The following GTF2F2 variants were observed in gnomAD, a reference collection of about 807,000 sequenced individuals.
GTF2F2 encodes the protein ATP-dependent helicase GTF2F2.
Under a neutral mutation model 42.2 loss-of-function variants are expected in GTF2F2, and 23 were observed. The observed-to-expected ratio is 0.55, with a 90% CI of 0.39 to 0.77. The LOEUF (loss-of-function observed/expected upper bound fraction) is 0.77, where lower values mean the gene tolerates loss of function less well. GTF2F2 is among the 30% of genes least tolerant of loss of function. The probability of loss-of-function intolerance (pLI) is 0.00; values close to 1 mark genes in which losing one functional copy is unlikely to be tolerated. For missense variants in GTF2F2, 261 were observed against 287.2 expected (o/e 0.91, Z 0.66); for synonymous variants, 105 against 100.8 (o/e 1.04, Z -0.25).
intron 7 of GTF2F2, among the ~76,000 whole-genome samples, chr13:45,274,575 C>T (rs1208365219): frequency 6.6e-6 from 1 of 152,074 alleles, no homozygotes; most frequent in Non-Finnish European, 1.5e-5. Flanking sequence ...GTGATCCGCC[C>T]ACCTTGACCA....
In GTF2F2 at chr13:45,284,888, A is replaced by T. The variant is rs1280939939; in HGVS notation, c.*1327A>T. 1 of 152,230 alleles carries T rather than the reference A, an allele frequency of 6.6e-6. No individual in the cohort carries two copies. Among genetic ancestry groups the T allele is most frequent in the Non-Finnish European group, 1.5e-5 (1 of 68,036 alleles). The allele number at this position is 152,230 out of a possible 1,614,324, so 9.4% of individuals were successfully genotyped here. On this transcript the variant is annotated 3_prime_UTR_variant, in exon 8 of 8. Coordinates refer to ENST00000340473, the MANE Select transcript of GTF2F2 (RefSeq NM_004128.3). ...ACACTGAAAAATAAAATTCTGAGTA[A>T]AGAAAGTGTTCCCATTCCCCACTCC...
At chr13:45,271,900 G>C (rs1220360778) in intron 7 of GTF2F2, among the ~76,000 whole-genome samples, 1 of 151,978 alleles carries the variant, frequency 6.6e-6, no homozygotes, top group Non-Finnish European at 1.5e-5. Context: ...TCTTAGTTCA[G>C]TTTCTACTCC....
At chr13:45,214,757 TTGAA>T (rs1211723441) in intron 5 of GTF2F2, among the ~76,000 whole-genome samples, 7 of 150,286 alleles carry the variant, frequency 4.7e-5, no homozygotes, top group African/African-American at 1.8e-4. Flanking sequence ...TCCCTAGTCT[TTGAA>T]TGGTGGCTTA....
chr13:45,274,683 A>G (rs949006427), intron 7 of GTF2F2, among the ~76,000 whole-genome samples: 35 of 152,106 alleles, frequency 2.3e-4, no homozygotes, highest in African/African-American at 8.5e-4. Context: ...GCTCATACCT[A>G]TAACCCCCAG....
intron 4 of GTF2F2, among the ~76,000 whole-genome samples, chr13:45,174,191 C>G (rs1477174784): frequency 6.6e-6 from 1 of 152,030 alleles, no homozygotes; most frequent in Non-Finnish European, 1.5e-5. Context: ...TGTGTGAGTG[C>G]AGGTTTTCAT....
At chr13:45,274,806 G>C (rs1876958429) in intron 7 of GTF2F2, among the ~76,000 whole-genome samples, 1 of 152,046 alleles carries the variant, frequency 6.6e-6, no homozygotes. Flanking sequence ...AGCCAGGCAT[G>C]GTGGCATGTG....
intron 4 of GTF2F2, among the ~76,000 whole-genome samples, chr13:45,159,959 G>A (rs1477414768): frequency 6.6e-6 from 1 of 152,094 alleles, no homozygotes; most frequent in Non-Finnish European, 1.5e-5. Flanking sequence ...CTTGTCACTG[G>A]TTTAAAACAT....
chr13:45,274,483 C>A (rs1452395702), intron 7 of GTF2F2, among the ~76,000 whole-genome samples: 1 of 151,912 alleles, frequency 6.6e-6, no homozygotes, highest in African/African-American at 2.4e-5. Flanking sequence ...CATGCCACCA[C>A]ACCTAGCTAA....
At chr13:45,165,637 A>G (rs1420254408) in intron 4 of GTF2F2, among the ~76,000 whole-genome samples, 1 of 151,152 alleles carries the variant, frequency 6.6e-6, no homozygotes, top group African/African-American at 2.4e-5. Flanking sequence ...AAGTAGAGAA[A>G]TAGTACAGTG....
intron 5 of GTF2F2, chr13:45,219,443 T>A (rs1433841227): frequency 6.6e-6 from 1 of 152,192 alleles, no homozygotes; most frequent in East Asian, 1.9e-4. Flanking sequence ...TAAACCAACA[T>A]TGTTAGTACC....
At chr13:45,181,554 G>A (rs1872168568) in intron 4 of GTF2F2, among the ~76,000 whole-genome samples, 2 of 152,042 alleles carry the variant, frequency 1.3e-5, no homozygotes, top group African/African-American at 4.8e-5. Context: ...TACATTTTAT[G>A]TTATAAAGCT....
At chr13:45,262,632 T>G (rs1018942759) in intron 6 of GTF2F2, among the ~76,000 whole-genome samples, 7 of 152,026 alleles carry the variant, frequency 4.6e-5, no homozygotes, top group Non-Finnish European at 7.4e-5. Flanking sequence ...TTCCCCAGGC[T>G]GGTCTCGAAC....
intron 4 of GTF2F2, among the ~76,000 whole-genome samples, chr13:45,187,359 T>A (rs1872469357): frequency 6.6e-6 from 1 of 152,248 alleles, no homozygotes; most frequent in South Asian, 2.1e-4. Flanking sequence ...AGAATTTGTG[T>A]ATTTTATTAT....
chr13:45,268,059 A>C (rs1425299958), intron 7 of GTF2F2, among the ~76,000 whole-genome samples: 1 of 152,204 alleles, frequency 6.6e-6, no homozygotes, highest in Non-Finnish European at 1.5e-5. Flanking sequence ...GATGATAACA[A>C]TAAGAAATTC....
chr13:45,240,623 T>C lies in GTF2F2; in HGVS notation c.387-12248T>C, dbSNP rs368162411. On this transcript the variant is annotated intron_variant, in intron 5 of 7. Coordinates refer to ENST00000340473, the MANE Select transcript of GTF2F2 (RefSeq NM_004128.3). ...TGGTTGGATCACCTGAGGTCAGGAG[T>C]TTGAGACCAGCCTGGCCAACATGGT... 4.9e-4 allele frequency among the ~76,000 whole-genome samples: 74 copies of C among 151,200 alleles called. 1 individual carries two copies. In the East Asian group the frequency reaches 0.011, roughly 23 times the overall value.
chr13:45,194,579 GCTATTTCAGCTTGTTCTT>G (rs1444958878), intron 4 of GTF2F2: 7 of 1,599,462 alleles, frequency 4.4e-6, no homozygotes, highest in Non-Finnish European at 6.0e-6. Flanking sequence ...TTTTGAAGAT[GCTATTTCAGCTTGTTCTT>G]CTTGGCTTTG....
chr13:45,175,056 A>G (rs570525989), intron 4 of GTF2F2, among the ~76,000 whole-genome samples: 17 of 152,190 alleles, frequency 1.1e-4, no homozygotes, highest in Non-Finnish European at 2.4e-4. Context: ...TATTTCTCCT[A>G]TATAGCTGTA....
chr13:45,165,331 A>ATATTTT (rs761914958), intron 4 of GTF2F2, among the ~76,000 whole-genome samples: 8 of 136,922 alleles, frequency 5.8e-5, no homozygotes, highest in African/African-American at 2.0e-4. Context: ...ATATATATAT[A>ATATTTT]TTTTTTTTTT....
chr13:45,134,296 C>T (rs1405071493), intron 1 of GTF2F2, among the ~76,000 whole-genome samples: 1 of 152,186 alleles, frequency 6.6e-6, no homozygotes. Flanking sequence ...GGCACACACC[C>T]TTGTCAGCTT....
Sources: allele counts gnomAD v4.1 joint callset (sites outside exome capture counted in the v4.1 genomes callset), GRCh38; gene constraint gnomAD v4.1.1; transcripts MANE v1.5; gene names NCBI Gene and HGNC (gene_info 2026-07-23, HGNC 2026-07-21).